CSNK1D: variants seen among roughly 807,000 people sequenced by gnomAD.
CSNK1D encodes casein kinase I isoform delta.
Under a neutral mutation model 46.6 loss-of-function variants are expected in CSNK1D, and 16 were observed. That is an observed-to-expected ratio of 0.34 (90% CI 0.23 to 0.52). CSNK1D has a LOEUF of 0.52. Among genes scored for constraint, CSNK1D ranks in the 20% least tolerant of loss-of-function variants. The probability of loss-of-function intolerance (pLI) is 0.95; values close to 1 mark genes in which losing one functional copy is unlikely to be tolerated. For synonymous variants in CSNK1D, 276 were observed against 228.2 expected (o/e 1.21, Z -1.89); for missense variants, 398 against 578.4 (o/e 0.69, Z 3.20).
rs563741680 is a variant in CSNK1D at position 82,273,212 on chromosome 17, G to C, written c.76+94C>G. ...GTGCCGGGACTTGCGCGGAGACCCC[G>C]CGGGGGCCACCACTTCCTTCCGCGA... On this transcript the variant is annotated intron_variant, in intron 1 of 8. Transcript: ENST00000314028. The surrounding 1 kb of genome is among the most constrained non-coding windows in gnomAD (Gnocchi z 5.1). 2.1e-5 allele frequency: 27 copies of C among 1,282,790 alleles called. No homozygotes were observed. The East Asian group carries it at 6.4e-4, about 30-fold the overall frequency. 79.5% of individuals were successfully genotyped at this position (1,282,790 alleles called of 1,614,324 possible).
rs759680757 is a variant in CSNK1D, at chr17:82,249,516, G to A, written c.972C>T (p.Arg324=). Residue 324 remains arginine (R), a synonymous_variant, in exon 7 of 9, where the codon CGC becomes CGT. Coordinates refer to ENST00000314028, the MANE Select transcript of CSNK1D (RefSeq NM_001893.6). The surrounding 1 kb of genome is among the most constrained non-coding windows in gnomAD (Gnocchi z 6.7). ...GGCCGGAGGCTGTGGAAGGGAGGCC[G>A]CGGGTAGCCGGGTTCCGCGAGTGTC... The part of the protein sequence containing the change: ...RLRHSRNPAT[R]GLPSTASGRL... 45 of 1,544,536 alleles carry A rather than the reference G, an allele frequency of 2.9e-5. No homozygotes were observed. The highest frequency in any genetic ancestry group is 3.6e-5 in the Non-Finnish European group (41 of 1,146,938).
chr17:82,253,478 C>T (rs1190310278), intron 3 of CSNK1D: 1 of 536,458 alleles, frequency 1.9e-6, no homozygotes, highest in East Asian at 3.5e-5. Context: ...TCAGCTCCCA[C>T]AAAACAGAGA....
At chr17:82,272,098 C>G (rs1599627551) in intron 1 of CSNK1D, 1 of 152,318 alleles carries the variant, frequency 6.6e-6, no homozygotes, top group East Asian at 1.9e-4. Context: ...CTTCCCAGCA[C>G]TTCGGGAGGC....
intron 8 of CSNK1D, chr17:82,245,874 C>T: frequency 8.3e-7 from 1 of 1,206,682 alleles, no homozygotes; most frequent in Non-Finnish European, 1.2e-6. Context: ...CCTCCAGCAC[C>T]TGGCATGCAA....
Position 82,243,359 on chromosome 17 carries a change from C to T in CSNK1D, c.*1422G>A. ...CGAAGTGCCCACGAACACAGACTGC[C>T]CTGCGCATTGGGGTTGGGAGCACAT... On this transcript the variant is annotated 3_prime_UTR_variant, in exon 9 of 9. Transcript: ENST00000314028. 2 of 985,566 alleles carry T rather than the reference C, an allele frequency of 2.0e-6. No homozygotes were observed. Among genetic ancestry groups the T allele is most frequent in the Non-Finnish European group, 2.4e-6 (2 of 830,044 alleles). The allele number at this position is 985,566 out of a possible 1,614,324, so 61.1% of individuals were successfully genotyped here. A position where few individuals can be genotyped will look rare whatever the true frequency, so the allele number is the denominator to read the frequency against.
chr17:82,273,269 G>T lies in CSNK1D; in HGVS notation c.76+37C>A. On this transcript the variant is annotated intron_variant, in intron 1 of 8. Coordinates refer to ENST00000314028, the MANE Select transcript of CSNK1D (RefSeq NM_001893.6). The surrounding 1 kb of genome is among the most constrained non-coding windows in gnomAD (Gnocchi z 5.1). Reference sequence around the variant, plus strand: ...TTGGTCTTGGCAGCCGCAGGGCCCGGGTCTTCGGGCGGCGGGCGGGGGCGG... The same window carrying T: ...TTGGTCTTGGCAGCCGCAGGGCCCGTGTCTTCGGGCGGCGGGCGGGGGCGG... 1 of 1,582,998 alleles carries T rather than the reference G, an allele frequency of 6.3e-7. No individual in the cohort carries two copies. Among genetic ancestry groups the T allele is most frequent in the South Asian group, 1.1e-5 (1 of 89,104 alleles).
intron 8 of CSNK1D, chr17:82,247,770 A>G (rs2050888155): frequency 1.0e-6 from 1 of 985,330 alleles, no homozygotes; most frequent in African/African-American, 1.7e-5. Context: ...CTCGAGCCCA[A>G]TTCATATAAC....
At chr17:82,258,909 G>A (rs868359860) in intron 2 of CSNK1D, among the ~76,000 whole-genome samples, 1 of 152,210 alleles carries the variant, frequency 6.6e-6, no homozygotes, top group Admixed American at 6.5e-5. Context: ...CAGCTTTATA[G>A]TAAGTGCTGG....
At chr17:82,239,184 G>A, downstream of CSNK1D, 2 of 484,058 alleles carry the variant, frequency 4.1e-6, no homozygotes, top group Non-Finnish European at 7.0e-6. Context: ...GTGAAGCCAA[G>A]CCGCAAGGTT....
At chr17:82,253,419 T>C in intron 3 of CSNK1D, 175 bp from the exon 4 acceptor site, 1 of 656,436 alleles carries the variant, frequency 1.5e-6, no homozygotes, top group Non-Finnish European at 2.8e-6. Flanking sequence ...CCCAGGTGCC[T>C]GCAGCAACCC....
chr17:82,243,785 G>A lies in CSNK1D; in HGVS notation c.*996C>T. ...AGGAGCATTGAGTGCTGAGAAAATGGACTGAGTGCAAAGGCAGCAAGGCAA... is the reference window on the plus strand; with the variant it reads ...AGGAGCATTGAGTGCTGAGAAAATGAACTGAGTGCAAAGGCAGCAAGGCAA... On this transcript the variant is annotated 3_prime_UTR_variant, in exon 9 of 9. Coordinates refer to ENST00000314028, the MANE Select transcript of CSNK1D (RefSeq NM_001893.6). 1.0e-6 allele frequency: 1 copy of A among 985,440 alleles called. No homozygotes were observed. Among genetic ancestry groups the A allele is most frequent in the Non-Finnish European group, 1.2e-6 (1 of 829,964 alleles). 61.0% of individuals were successfully genotyped at this position (985,440 alleles called of 1,614,324 possible).
intron 1 of CSNK1D, among the ~76,000 whole-genome samples, chr17:82,270,267 C>G (rs1193280744): frequency 6.6e-6 from 1 of 152,220 alleles, no homozygotes; most frequent in Non-Finnish European, 1.5e-5. Flanking sequence ...CTCCAACTGT[C>G]ACAGCAGGGT....
At chr17:82,259,708 G>A (rs2051274224) in intron 2 of CSNK1D, among the ~76,000 whole-genome samples, 2 of 152,228 alleles carry the variant, frequency 1.3e-5, no homozygotes, top group Admixed American at 1.3e-4. Context: ...GTCAGACGAA[G>A]CTACTGTATA....
At chr17:82,246,222 G>T in intron 8 of CSNK1D, 1 of 1,506,528 alleles carries the variant, frequency 6.6e-7, no homozygotes, top group East Asian at 2.5e-5. Context: ...CTCTGGATGA[G>T]AGTGGTGCCC....
Position 82,273,489 on chromosome 17 carries a change from C to A in CSNK1D, c.-108G>T. 1.5e-6 allele frequency: 2 copies of A among 1,350,340 alleles called. No individual in the cohort carries two copies. Among genetic ancestry groups the A allele is most frequent in the Admixed American group, 3.9e-5 (2 of 51,342 alleles). 83.6% of individuals were successfully genotyped at this position (1,350,340 alleles called of 1,614,324 possible). A position where few individuals can be genotyped will look rare whatever the true frequency, so the allele number is the denominator to read the frequency against. ...ACTGCGGGTCCGGCTCCCGGCTCCG[C>A]CCCCCTCACGGCCCCGCTTTCACCA... On this transcript the variant is annotated 5_prime_UTR_variant, in exon 1 of 9. Transcript: ENST00000314028. This position sits in a 1 kb window ranked among gnomAD's most constrained non-coding sequence, Gnocchi z 5.1.
chr17:82,244,240 C>T lies in CSNK1D; in HGVS notation c.*541G>A. On this transcript the variant is annotated 3_prime_UTR_variant, in exon 9 of 9. Transcript: ENST00000314028. ...AGCACACACCCTTGAGATCCACCTGCACCTTCTCCCTGCCCGACTCCACCT... is the reference window on the plus strand; with the variant it reads ...AGCACACACCCTTGAGATCCACCTGTACCTTCTCCCTGCCCGACTCCACCT... 1.9e-6 allele frequency: 2 copies of T among 1,080,460 alleles called. No homozygotes were observed. Among genetic ancestry groups the T allele is most frequent in the Non-Finnish European group, 2.3e-6 (2 of 885,234 alleles). 66.9% of individuals were successfully genotyped at this position (1,080,460 alleles called of 1,614,324 possible).
In CSNK1D at chr17:82,252,125, A is replaced by G. The variant is rs1453391810; in HGVS notation, c.736+309T>C. 6.6e-6 allele frequency among the ~76,000 whole-genome samples: 1 copy of G among 152,232 alleles called. No homozygotes were observed. The highest frequency in any genetic ancestry group is 1.5e-5 in the Non-Finnish European group (1 of 68,042). The stretch of plus-strand genomic sequence containing the variant: ...CAGAGAGGGCAGCCACTGCAGAGAG[A>G]GGCCCCACCACTGCCTGTCCATCCC... On this transcript the variant is annotated intron_variant, in intron 5 of 8. Transcript: ENST00000314028. This position sits in a 1 kb window ranked among gnomAD's most constrained non-coding sequence, Gnocchi z 4.6.
chr17:82,263,242 T>A (rs541451181), intron 2 of CSNK1D, among the ~76,000 whole-genome samples: 1 of 152,118 alleles, frequency 6.6e-6, no homozygotes, highest in Non-Finnish European at 1.5e-5. Context: ...ATCCACCAGG[T>A]GTCTGTGCAT....
At chr17:82,247,973 A>C in intron 8 of CSNK1D, 1 of 985,466 alleles carries the variant, frequency 1.0e-6, no homozygotes. Flanking sequence ...AGCCAGCTAC[A>C]CCCAGCCCCG....
Sources: allele counts gnomAD v4.1 joint callset (sites outside exome capture counted in the v4.1 genomes callset), GRCh38; gene constraint gnomAD v4.1.1; non-coding constraint Gnocchi (gnomAD v3.1); transcripts MANE v1.5; gene names NCBI Gene and HGNC (gene_info 2026-07-23, HGNC 2026-07-21).